ACER2: variants seen among roughly 807,000 people sequenced by gnomAD.
ACER2 encodes alkaline ceramidase 2, also known as alkCDase 2.
Under a neutral mutation model 34.7 loss-of-function variants are expected in ACER2, and 26 were observed. The observed-to-expected ratio is 0.75, with a 90% confidence interval of 0.55 to 1.04. ACER2 has a LOEUF of 1.04. Among genes scored for constraint, ACER2 ranks in the 50% least tolerant of loss-of-function variants. ACER2 has a pLI of 0.00. For missense variants in ACER2, 352 were observed against 340.8 expected, an observed-to-expected ratio of 1.03 and a Z score of -0.26; for synonymous variants, 138 against 132.1, an observed-to-expected ratio of 1.04 and a Z score of -0.31.
intron 3 of ACER2, among the ~76,000 whole-genome samples, chr9:19,428,692 G>A (rs777230145): frequency 1.3e-5 from 2 of 149,600 alleles, no homozygotes; most frequent in East Asian, 2.0e-4. Context: ...GGAAAATTAC[G>A]TAAGGCCTAT....
intron 1 of ACER2, among the ~76,000 whole-genome samples, chr9:19,416,831 GC>G (rs1323949783): frequency 1.3e-5 from 2 of 151,958 alleles, no homozygotes; most frequent in East Asian, 3.9e-4. Context: ...CCCGTGCCCC[GC>G]CTAAGGGATG....
chr9:19,409,966 G>C lies in ACER2; in HGVS notation c.108+774G>C, dbSNP rs956016989. On this transcript the variant is annotated intron_variant, in intron 1 of 5. Coordinates refer to ENST00000340967, the MANE Select transcript of ACER2 (RefSeq NM_001010887.3). ...GTGTGATTTTAGTTCTTGTGGTAGGGAAGGGTTGCAGCTGGGAGAGGAAAT... is the reference window on the plus strand; with the variant it reads ...GTGTGATTTTAGTTCTTGTGGTAGGCAAGGGTTGCAGCTGGGAGAGGAAAT... 1.1e-5 allele frequency: 11 copies of C among 983,228 alleles called. No homozygotes were observed. The African/African-American group carries it at 1.7e-4, about 16-fold the overall frequency. The allele number at this position is 983,228 out of a possible 1,614,324, so 60.9% of individuals were successfully genotyped here.
intron 1 of ACER2, among the ~76,000 whole-genome samples, chr9:19,415,539 T>A (rs1830216935): frequency 6.6e-6 from 1 of 151,666 alleles, no homozygotes; most frequent in African/African-American, 2.4e-5. Flanking sequence ...TAAATAAAAA[T>A]TAAAAATTAA....
At chr9:19,422,637 G>A (rs951499319) in intron 1 of ACER2, among the ~76,000 whole-genome samples, 18 of 152,210 alleles carry the variant, frequency 1.2e-4, no homozygotes, top group Non-Finnish European at 2.2e-4. Context: ...GGCTTGGCTG[G>A]GGAGGATTAT....
intron 4 of ACER2, among the ~76,000 whole-genome samples, chr9:19,440,192 C>G (rs940411995): frequency 6.6e-6 from 1 of 152,192 alleles, no homozygotes; most frequent in Non-Finnish European, 1.5e-5. Flanking sequence ...TTTGCCATGG[C>G]TCCTGTGATA....
intron 1 of ACER2, among the ~76,000 whole-genome samples, chr9:19,413,817 T>C (rs746622658): frequency 6.6e-6 from 1 of 152,126 alleles, no homozygotes. Flanking sequence ...CACTTCCTGC[T>C]CTGTCCCCAG....
At chr9:19,430,730 G>C (rs7875622) in intron 3 of ACER2, among the ~76,000 whole-genome samples, 30,295 of 152,092 alleles carry the variant, frequency 0.2, 3,177 homozygotes, top group South Asian at 0.29. Context: ...GGCTGAGGCA[G>C]GTGGATCACC....
chr9:19,438,404 T>C (rs10120186), intron 4 of ACER2, among the ~76,000 whole-genome samples: 23,179 of 152,196 alleles, frequency 0.15, 1,894 homozygotes, highest in South Asian at 0.27. Flanking sequence ...ATCCAGGAAC[T>C]CTCCCTAATG....
chr9:19,424,654 G>T, intron 2 of ACER2, 46 bp from the exon 3 acceptor site: 1 of 1,609,064 alleles, frequency 6.2e-7, no homozygotes, highest in Non-Finnish European at 8.5e-7. Context: ...TTGAATTTGT[G>T]TCTCTTCTGT....
At chr9:19,433,805 C>G in intron 3 of ACER2, among the ~76,000 whole-genome samples, 1 of 151,344 alleles carries the variant, frequency 6.6e-6, no homozygotes, top group East Asian at 2.0e-4. Context: ...ACCTCCTTCC[C>G]GGACGGGGCG....
At chr9:19,416,618 C>T (rs1018120578) in intron 1 of ACER2, among the ~76,000 whole-genome samples, 9 of 150,640 alleles carry the variant, frequency 6.0e-5, no homozygotes, top group Admixed American at 2.6e-4. Flanking sequence ...CTCCGCCTCC[C>T]GGGTCCAAGT....
chr9:19,420,327 AGGACCCCTCCCACCC>A (rs1325500277), intron 1 of ACER2, among the ~76,000 whole-genome samples: 1 of 152,176 alleles, frequency 6.6e-6, no homozygotes, highest in Non-Finnish European at 1.5e-5. Flanking sequence ...TGTTTAGTCC[AGGACCCCTCCCACCC>A]CATCCCGATG....
intron 3 of ACER2, among the ~76,000 whole-genome samples, chr9:19,428,001 TTTTCCTTTTTCCTTTCCTTTCCTTTCC>T (rs1830625817): frequency 1.2e-5 from 1 of 85,268 alleles, no homozygotes; most frequent in African/African-American, 5.7e-5. Flanking sequence ...TTCCTTTCCT[TTTTCCTTTTTCCTTTCCTTTCCTTTCC>T]TTTCCTTTCC....
At chr9:19,418,275 G>A (rs1384525069) in intron 1 of ACER2, among the ~76,000 whole-genome samples, 1 of 152,160 alleles carries the variant, frequency 6.6e-6, no homozygotes, top group Non-Finnish European at 1.5e-5. Flanking sequence ...CAACCATTGT[G>A]GAAGACAGTG....
intron 4 of ACER2, among the ~76,000 whole-genome samples, chr9:19,441,872 A>G (rs891465148): frequency 2.8e-4 from 42 of 152,116 alleles, no homozygotes; most frequent in Admixed American, 1.6e-3. Context: ...TCTTTCCCGA[A>G]TCTTCCCTGG....
At chr9:19,437,527 A>G (rs1053005171) in intron 4 of ACER2, among the ~76,000 whole-genome samples, 6 of 151,730 alleles carry the variant, frequency 4.0e-5, no homozygotes, top group African/African-American at 7.3e-5. Context: ...TCTTCCTCCA[A>G]TCTCTTCTTT....
At chr9:19,420,957 C>T (rs765914568) in intron 1 of ACER2, among the ~76,000 whole-genome samples, 4 of 152,116 alleles carry the variant, frequency 2.6e-5, no homozygotes, top group Non-Finnish European at 5.9e-5. Flanking sequence ...AATGTATTGT[C>T]AGGAGATTTT....
At chr9:19,415,142 T>G (rs985481622) in intron 1 of ACER2, among the ~76,000 whole-genome samples, 1 of 152,206 alleles carries the variant, frequency 6.6e-6, no homozygotes. Flanking sequence ...CAGTATTATT[T>G]GAAGCATATG....
intron 1 of ACER2, among the ~76,000 whole-genome samples, chr9:19,413,055 G>A (rs1330956734): frequency 6.6e-6 from 1 of 152,176 alleles, no homozygotes; most frequent in Non-Finnish European, 1.5e-5. Flanking sequence ...GATAATTATT[G>A]TGAAATGGCA....
Sources: gnomAD v4.1 joint callset for allele counts (sites outside exome capture counted in the v4.1 genomes callset) on GRCh38, gnomAD v4.1.1 for gene constraint, MANE v1.5 for transcripts, NCBI Gene and HGNC (gene_info 2026-07-23, HGNC 2026-07-21) for gene names.